The following EXOC4 variants were observed in gnomAD, a reference collection of about 807,000 sequenced individuals.
EXOC4 encodes exocyst complex component 4, also known as SEC8-like 1.
EXOC4 carries 71 observed loss-of-function variants against 107.2 expected under a neutral mutation model. The ratio of observed to expected loss-of-function variants is 0.66; its 90% CI spans 0.55 to 0.81. EXOC4 has a LOEUF of 0.81. Among genes scored for constraint, EXOC4 ranks in the 30% least tolerant of loss-of-function variants. The pLI, the probability that EXOC4 is intolerant of heterozygous loss-of-function variation, is 0.00. For missense variants in EXOC4, 1,108 were observed against 1,189.6 expected, an observed-to-expected ratio of 0.93 and a Z score of 1.01; for synonymous variants, 456 against 441.2, an observed-to-expected ratio of 1.03 and a Z score of -0.42.
At chr7:133,312,681 G>T (rs1229000579) in intron 4 of EXOC4, among the ~76,000 whole-genome samples, 2 of 151,392 alleles carry the variant, frequency 1.3e-5, no homozygotes, top group Non-Finnish European at 2.9e-5. Context: ...TGACGTGGGG[G>T]GTGGATGGAC....
chr7:133,531,868 TC>T (rs1384893679), intron 9 of EXOC4, among the ~76,000 whole-genome samples: 1 of 152,120 alleles, frequency 6.6e-6, no homozygotes, highest in Non-Finnish European at 1.5e-5. Flanking sequence ...ATATCCCGTA[TC>T]CAAAATGCTT....
chr7:133,375,573 T>C (rs1407713673), intron 7 of EXOC4, among the ~76,000 whole-genome samples: 1 of 152,196 alleles, frequency 6.6e-6, no homozygotes, highest in Non-Finnish European at 1.5e-5. Flanking sequence ...TGTCGTAGTA[T>C]ACTTTACTTG....
chr7:133,571,473 G>C (rs908794519), intron 9 of EXOC4, among the ~76,000 whole-genome samples: 1 of 152,084 alleles, frequency 6.6e-6, no homozygotes, highest in Non-Finnish European at 1.5e-5. Flanking sequence ...TCAGGAGTTT[G>C]AGACCATCCT....
rs62471389 is a variant in EXOC4, at chr7:133,681,919, T to C, written c.1514+51778T>C. On this transcript the variant is annotated intron_variant, in intron 10 of 17. Coordinates refer to ENST00000253861, the MANE Select transcript of EXOC4 (RefSeq NM_021807.4). ...TTGGTAGCCATTATTATTATTATTA[T>C]TAGAGACAGTATCACACTCTGTAGC... 7.1e-3 allele frequency among the ~76,000 whole-genome samples: 1,088 copies of C among 152,260 alleles called. 6 individuals carry two copies. The highest frequency in any genetic ancestry group is 0.01 in the Non-Finnish European group (701 of 68,030).
At chr7:133,883,772 G>A (rs1479008437) in intron 11 of EXOC4, among the ~76,000 whole-genome samples, 1 of 152,212 alleles carries the variant, frequency 6.6e-6, no homozygotes, top group Non-Finnish European at 1.5e-5. Context: ...GTTCAGGGTG[G>A]AGGCTGATTT....
intron 10 of EXOC4, among the ~76,000 whole-genome samples, chr7:133,680,804 C>T (rs1313162199): frequency 6.6e-6 from 1 of 152,162 alleles, no homozygotes; most frequent in African/African-American, 2.4e-5. Flanking sequence ...GTAGAGAAAG[C>T]CATTAGAAAA....
intron 17 of EXOC4, among the ~76,000 whole-genome samples, chr7:134,050,946 A>G (rs1040111142): frequency 6.6e-6 from 1 of 152,112 alleles, no homozygotes; most frequent in Non-Finnish European, 1.5e-5. Context: ...ATCCAATGAG[A>G]AGAGTGTAGG....
chr7:133,962,268 T>C (rs1212386325), intron 14 of EXOC4, among the ~76,000 whole-genome samples: 1 of 152,118 alleles, frequency 6.6e-6, no homozygotes, highest in Non-Finnish European at 1.5e-5. Context: ...AAATAACAGC[T>C]CTAAATAGAC....
intron 17 of EXOC4, among the ~76,000 whole-genome samples, chr7:134,046,995 A>G (rs1458244180): frequency 1.3e-5 from 2 of 152,238 alleles, no homozygotes; most frequent in Non-Finnish European, 2.9e-5. Flanking sequence ...AGCCTCTGCC[A>G]TTAACACGCC....
chr7:133,321,260 G>C (rs1211176849), intron 5 of EXOC4, among the ~76,000 whole-genome samples: 1 of 151,952 alleles, frequency 6.6e-6, no homozygotes. Context: ...TTTTGAGGTA[G>C]AGTTGTGGGT....
At chr7:133,502,456 A>G in intron 9 of EXOC4, among the ~76,000 whole-genome samples, 1 of 152,162 alleles carries the variant, frequency 6.6e-6, no homozygotes, top group East Asian at 1.9e-4. Flanking sequence ...TAAAATGTTT[A>G]TATATGTTGG....
At chr7:133,478,254 T>G (rs1230857082) in intron 8 of EXOC4, among the ~76,000 whole-genome samples, 3 of 150,378 alleles carry the variant, frequency 2.0e-5, no homozygotes, top group Non-Finnish European at 2.9e-5. Flanking sequence ...TCAACCTCAG[T>G]CAGACCACAT....
intron 10 of EXOC4, among the ~76,000 whole-genome samples, chr7:133,797,675 A>G (rs1796845905): frequency 1.3e-5 from 2 of 152,158 alleles, no homozygotes; most frequent in Admixed American, 1.3e-4. Flanking sequence ...ATCTCTATTC[A>G]TTCACTGTTG....
At chr7:133,813,012 G>A (rs1429091422) in intron 10 of EXOC4, among the ~76,000 whole-genome samples, 1 of 152,106 alleles carries the variant, frequency 6.6e-6, no homozygotes, top group Non-Finnish European at 1.5e-5. Context: ...TTGTGCTTCT[G>A]TACAGGGAGG....
In EXOC4 at chr7:133,792,483, G is replaced by C. The variant is rs1425912305; in HGVS notation, c.1515-24842G>C. Among the ~76,000 whole-genome samples the C allele has an allele frequency of 1.8e-4, 26 of 147,270 alleles. No individual in the cohort carries two copies. The Admixed American group carries it at 1.8e-3, about 10-fold the overall frequency. ...TGGGAGGATTGCTTGAGCCCGGAAG[G>C]TTGAGGCTGCAGTGAGCTGAGATCA... On this transcript the variant is annotated intron_variant, in intron 10 of 17. Coordinates refer to ENST00000253861, the MANE Select transcript of EXOC4 (RefSeq NM_021807.4).
At chr7:133,537,103 A>G (rs1022485676) in intron 9 of EXOC4, among the ~76,000 whole-genome samples, 4 of 152,138 alleles carry the variant, frequency 2.6e-5, no homozygotes, top group African/African-American at 9.7e-5. Flanking sequence ...ATCCTTAGCC[A>G]AGGTTTCAGG....
chr7:133,267,604 A>G (rs969658086), intron 1 of EXOC4, among the ~76,000 whole-genome samples: 14 of 152,158 alleles, frequency 9.2e-5, no homozygotes, highest in African/African-American at 3.4e-4. Flanking sequence ...TCCCCTCACT[A>G]GAACATAAGC....
chr7:133,531,354 T>G (rs928966712), intron 9 of EXOC4, among the ~76,000 whole-genome samples: 1 of 152,200 alleles, frequency 6.6e-6, no homozygotes, highest in Admixed American at 6.5e-5. Flanking sequence ...TCTGTGCTGC[T>G]TTAATTAGTT....
chr7:133,848,033 G>T lies in EXOC4; in HGVS notation c.1734+30489G>T, dbSNP rs1454587080. ...GCATGAGCCACCGCGCCTGGCCCAG[G>T]AGTCACTTCTAATTCCTCACAGCTA... On this transcript the variant is annotated intron_variant, in intron 11 of 17. Transcript: ENST00000253861. Among the ~76,000 whole-genome samples, 3 of 151,800 alleles carry T rather than the reference G, an allele frequency of 2.0e-5. No individual in the cohort carries two copies. The East Asian group carries it at 5.8e-4, about 29-fold the overall frequency.
Sources: allele counts gnomAD v4.1 joint callset (sites outside exome capture counted in the v4.1 genomes callset), GRCh38; gene constraint gnomAD v4.1.1; transcripts MANE v1.5; gene names NCBI Gene and HGNC (gene_info 2026-07-23, HGNC 2026-07-21).